SCARA3: variants seen among roughly 807,000 people sequenced by gnomAD.
SCARA3 encodes the protein scavenger receptor class A member 3, also known as cellular stress response gene protein.
A neutral mutation model predicts 47.0 loss-of-function variants in SCARA3; 39 were observed. The ratio of observed to expected loss-of-function variants is 0.83; its 90% CI spans 0.64 to 1.08. The LOEUF (loss-of-function observed/expected upper bound fraction) is 1.08. Among genes scored for constraint, SCARA3 ranks in the 50% least tolerant of loss-of-function variants. The pLI is 0.00. For missense variants in SCARA3, 724 were observed against 792.3 expected (o/e 0.91, Z 1.04); for synonymous variants, 356 against 334.1 (o/e 1.07, Z -0.71).
In SCARA3 at chr8:27,656,828, G is replaced by A. The variant is rs1205623446; in HGVS notation, c.273G>A (p.Gln91=). The change falls in exon 4 of 6, where the codon CAG becomes CAA. Residue 91 remains glutamine, a synonymous_variant. Coordinates refer to ENST00000301904, the MANE Select transcript of SCARA3 (RefSeq NM_016240.3). ...TCTCCGAAGACATCTCCTTGACCCAGTCTATTTATGACAAGAAGCTTGTGT... is the reference window on the plus strand; with the variant it reads ...TCTCCGAAGACATCTCCTTGACCCAATCTATTTATGACAAGAAGCTTGTGT... ...DSLSEDISLT[Q]SIYDKKLVLM... is the part of the protein sequence containing the mutation. 1.2e-5 allele frequency: 19 copies of A among 1,613,458 alleles called. No homozygotes were observed. The highest frequency in any genetic ancestry group is 1.6e-5 in the Non-Finnish European group (19 of 1,179,366).
downstream of SCARA3, among the ~76,000 whole-genome samples, chr8:27,681,641 G>A (rs1802357918): frequency 6.6e-6 from 1 of 152,094 alleles, no homozygotes; most frequent in African/African-American, 2.4e-5. Context: ...AGGATTGCTT[G>A]AGCCCAAAAT....
At chr8:27,646,977 C>CCCCCCCCCCCA (rs1801514271) in intron 1 of SCARA3, among the ~76,000 whole-genome samples, 1 of 109,300 alleles carries the variant, frequency 9.1e-6, no homozygotes, top group Non-Finnish European at 2.0e-5. Flanking sequence ...CCCCCGCCCC[C>CCCCCCCCCCCA]CCCCCGCACA....
At chr8:27,727,612 T>TCCAGAGCC in the SCARA3 span, among the ~76,000 whole-genome samples, 2 of 152,162 alleles carry the variant, frequency 1.3e-5, no homozygotes, top group Non-Finnish European at 2.9e-5. Context: ...GAGCCAGAGC[T>TCCAGAGCC]CTCCAGAGCC....
intron 1 of SCARA3, among the ~76,000 whole-genome samples, chr8:27,643,630 A>G (rs1336183432): frequency 6.6e-6 from 1 of 152,206 alleles, no homozygotes; most frequent in African/African-American, 2.4e-5. Context: ...CCTTAAACTA[A>G]TAGCTATTCT....
chr8:27,666,216 G>C (rs1478485068), intron 5 of SCARA3, among the ~76,000 whole-genome samples: 1 of 152,214 alleles, frequency 6.6e-6, no homozygotes, highest in Non-Finnish European at 1.5e-5. Context: ...CAGCTTCTCA[G>C]CCTAATAGCT....
At chr8:27,709,909 ATCCCCAGG>A in the SCARA3 span, among the ~76,000 whole-genome samples, 2 of 152,170 alleles carry the variant, frequency 1.3e-5, no homozygotes, top group African/African-American at 4.8e-5. Flanking sequence ...AGCTGTCAGG[ATCCCCAGG>A]TCAGCAGATT....
downstream of SCARA3, chr8:27,676,426 G>T (rs1425786910): frequency 8.0e-6 from 6 of 753,702 alleles, no homozygotes; most frequent in Non-Finnish European, 1.3e-5. Context: ...GAAGCCAGGT[G>T]CTGACCTCAG....
At chr8:27,653,065 G>T (rs915614974) in intron 3 of SCARA3, among the ~76,000 whole-genome samples, 4 of 152,196 alleles carry the variant, frequency 2.6e-5, no homozygotes, top group Non-Finnish European at 5.9e-5. Flanking sequence ...AGGAGCCACG[G>T]TCTGCCTATC....
At chr8:27,685,518 G>A in the SCARA3 span, among the ~76,000 whole-genome samples, 14 of 152,208 alleles carry the variant, frequency 9.2e-5, no homozygotes, top group Admixed American at 7.8e-4. Context: ...ATGCAGAAAG[G>A]GCATTTAGTA....
At chr8:27,695,526 A>G in the SCARA3 span, among the ~76,000 whole-genome samples, 4 of 152,216 alleles carry the variant, frequency 2.6e-5, no homozygotes, top group Non-Finnish European at 5.9e-5. Flanking sequence ...AACCAGAAAA[A>G]TGTGACCCAT....
chr8:27,674,150 G>A (rs1802225244), downstream of SCARA3, among the ~76,000 whole-genome samples: 1 of 152,182 alleles, frequency 6.6e-6, no homozygotes, highest in Non-Finnish European at 1.5e-5. Flanking sequence ...TGGCCCTTTG[G>A]AGTATCTGGA....
At chr8:27,667,466 T>A (rs1351414006) in intron 5 of SCARA3, among the ~76,000 whole-genome samples, 1 of 152,148 alleles carries the variant, frequency 6.6e-6, no homozygotes, top group Admixed American at 6.5e-5. Flanking sequence ...CTCTCCCTCC[T>A]CCAGGCAGTG....
At chr8:27,658,386 G>A in intron 4 of SCARA3, 110 bp from the exon 5 acceptor site, 2 of 1,037,118 alleles carry the variant, frequency 1.9e-6, no homozygotes, top group Middle Eastern at 3.2e-4. Context: ...AAGGAAGTTG[G>A]TTTGGGAAGC....
the SCARA3 span, among the ~76,000 whole-genome samples, chr8:27,696,022 A>C: frequency 6.6e-6 from 1 of 151,894 alleles, no homozygotes; most frequent in Non-Finnish European, 1.5e-5. Flanking sequence ...TTTTTATTTT[A>C]ATTTTTTTTT....
At chr8:27,676,609 C>T (rs1802281781), downstream of SCARA3, 1 of 1,489,822 alleles carries the variant, frequency 6.7e-7, no homozygotes, top group Non-Finnish European at 9.4e-7. Flanking sequence ...GATATGAAGC[C>T]AGCCATAAAG....
rs772593961 is a variant in SCARA3, at chr8:27,671,144, C to T, written c.1614C>T (p.Gly538=). The T allele has an allele frequency of 1.3e-6, 2 of 1,560,796 alleles. No homozygotes were observed. Among genetic ancestry groups the T allele is most frequent in the South Asian group, 2.3e-5 (2 of 85,672 alleles). Residue 538 remains glycine, a synonymous_variant, in exon 6 of 6, where the codon GGC becomes GGT. Transcript: ENST00000301904. ...FGTGGPRGQP[G]PKGDIGPPGP... is the part of the protein sequence containing the mutation. ...CTGGAGGGCCGAGAGGACAGCCAGGCCCAAAAGGGGACATAGGGCCCCCAG... is the reference window on the plus strand; with the variant it reads ...CTGGAGGGCCGAGAGGACAGCCAGGTCCAAAAGGGGACATAGGGCCCCCAG...
the SCARA3 span, among the ~76,000 whole-genome samples, chr8:27,716,855 T>C: frequency 6.6e-6 from 1 of 152,190 alleles, no homozygotes; most frequent in Admixed American, 6.5e-5. Context: ...TCTTAATTGA[T>C]TAAAACGAAC....
intron 1 of SCARA3, among the ~76,000 whole-genome samples, chr8:27,643,025 G>A (rs1026085588): frequency 5.9e-5 from 9 of 152,102 alleles, no homozygotes; most frequent in African/African-American, 1.7e-4. Context: ...ACCAGCCTGC[G>A]AGCAGGTATT....
At chr8:27,707,869 T>C in the SCARA3 span, among the ~76,000 whole-genome samples, 1 of 149,582 alleles carries the variant, frequency 6.7e-6, no homozygotes, top group African/African-American at 2.4e-5. Context: ...CCAGAGCAAA[T>C]GCATCTAAAA....
Sources: allele counts gnomAD v4.1 joint callset (sites outside exome capture counted in the v4.1 genomes callset), GRCh38; gene constraint gnomAD v4.1.1; transcripts MANE v1.5; gene names NCBI Gene and HGNC (gene_info 2026-07-23, HGNC 2026-07-21).